RNF130: variants seen among roughly 807,000 people sequenced by gnomAD.
RNF130 encodes the protein ring finger protein 130.
In RNF130, 21 loss-of-function variants were observed where a neutral mutation model predicts 44.6. The observed-to-expected ratio is 0.47, with a 90% CI of 0.33 to 0.68. The LOEUF (loss-of-function observed/expected upper bound fraction) is 0.68. Among genes scored for constraint, RNF130 ranks in the 30% least tolerant of loss-of-function variants. RNF130 has a pLI of 0.02. For synonymous variants in RNF130, 214 were observed against 210.4 expected (o/e 1.02, Z -0.15); for missense variants, 479 against 560.6 (o/e 0.85, Z 1.47).
chr5:179,999,444 G>A (rs193015545), intron 3 of RNF130, among the ~76,000 whole-genome samples: 6 of 152,084 alleles, frequency 3.9e-5, no homozygotes, highest in African/African-American at 9.7e-5. Context: ...TGAGTTGGCC[G>A]GCCATGGTGG....
chr5:179,939,727 A>G (rs1761945533), intron 7 of RNF130: 2 of 456,936 alleles, frequency 4.4e-6, no homozygotes, highest in Non-Finnish European at 8.7e-6. Flanking sequence ...AAAGACGGAA[A>G]TCCACTGAAA....
At chr5:180,049,664 CTGAG>C (rs1764644814) in intron 1 of RNF130, among the ~76,000 whole-genome samples, 1 of 152,160 alleles carries the variant, frequency 6.6e-6, no homozygotes, top group Non-Finnish European at 1.5e-5. Flanking sequence ...TAACACTATT[CTGAG>C]AAGCAGCCCA....
chr5:179,945,915 G>A (rs1372798934), intron 7 of RNF130, among the ~76,000 whole-genome samples: 2 of 38,656 alleles, frequency 5.2e-5, no homozygotes, highest in African/African-American at 1.9e-4. Flanking sequence ...GGAAAAAGGC[G>A]GGGGCAGGGA....
downstream of RNF130, among the ~76,000 whole-genome samples, chr5:179,954,696 T>G (rs1762175859): frequency 6.6e-5 from 10 of 152,204 alleles, no homozygotes; most frequent in South Asian, 2.1e-3. Context: ...TTTAAACGGG[T>G]AATTTTATAG....
intron 3 of RNF130, among the ~76,000 whole-genome samples, chr5:180,002,685 C>G (rs1037646566): frequency 1.4e-4 from 21 of 152,154 alleles, no homozygotes; most frequent in African/African-American, 3.9e-4. Flanking sequence ...TGGTTCCCAG[C>G]TGATCCTGGT....
intron 3 of RNF130, among the ~76,000 whole-genome samples, chr5:179,988,579 G>T (rs191158001): frequency 7.2e-5 from 11 of 151,968 alleles, no homozygotes; most frequent in Non-Finnish European, 1.3e-4. Context: ...GCTGTATCTT[G>T]TAGGTTTTGG....
intron 7 of RNF130, among the ~76,000 whole-genome samples, chr5:179,928,949 G>A (rs1761767853): frequency 6.6e-6 from 1 of 152,140 alleles, no homozygotes; most frequent in African/African-American, 2.4e-5. Context: ...GTATTTTGAT[G>A]AGCAAAATTT....
chr5:180,020,079 A>AGAGGCACTGGT (rs1763837960), intron 2 of RNF130, among the ~76,000 whole-genome samples: 1 of 152,196 alleles, frequency 6.6e-6, no homozygotes, highest in Admixed American at 6.6e-5. Flanking sequence ...GAGAAAGGGA[A>AGAGGCACTGGT]GAGGCACTGG....
chr5:180,047,961 A>T (rs550102596), intron 1 of RNF130, among the ~76,000 whole-genome samples: 41 of 150,130 alleles, frequency 2.7e-4, no homozygotes, highest in African/African-American at 9.8e-4. Flanking sequence ...GCGTGGGCCC[A>T]GGACTCTCCA....
intron 7 of RNF130, among the ~76,000 whole-genome samples, chr5:179,938,783 G>C (rs1761933268): frequency 6.6e-6 from 1 of 152,048 alleles, no homozygotes; most frequent in African/African-American, 2.4e-5. Context: ...TGAAAACCTT[G>C]CAATTATTTC....
chr5:180,053,410 C>T (rs1481272200), intron 1 of RNF130, among the ~76,000 whole-genome samples: 1 of 152,144 alleles, frequency 6.6e-6, no homozygotes, highest in Non-Finnish European at 1.5e-5. Context: ...AACAAATCAT[C>T]TTGATGAGAA....
At chr5:179,931,032 CAAAAA>C (rs34266288) in intron 7 of RNF130, among the ~76,000 whole-genome samples, 1 of 74,298 alleles carries the variant, frequency 1.3e-5, no homozygotes. Flanking sequence ...ACCTCTGTCT[CAAAAA>C]AAAAAAAAAA....
At chr5:179,951,569 G>C (rs1762126834), downstream of RNF130, among the ~76,000 whole-genome samples, 1 of 152,078 alleles carries the variant, frequency 6.6e-6, no homozygotes. Context: ...ATTTTTAGTA[G>C]AGACGGGGTT....
In RNF130 at chr5:179,966,837, C is replaced by T. The variant is rs549159065; in HGVS notation, c.1119G>A (p.Pro373=). The change falls in exon 7 of 9, where the codon CCG becomes CCA. Residue 373 remains proline, a synonymous_variant. Transcript: ENST00000521389. ...CTGCAATGTTGATTTCTCCTGTTCTCGGAGTGAGCTCCCCATCCTGAGGAA... is the reference window on the plus strand; with the variant it reads ...CTGCAATGTTGATTTCTCCTGTTCTTGGAGTGAGCTCCCCATCCTGAGGAA... ...SPLPQDGELT[P]RTGEINIAVT... 16 of 1,613,986 alleles carry T rather than the reference C, an allele frequency of 9.9e-6. No homozygotes were observed. The highest frequency in any genetic ancestry group is 2.7e-5 in the African/African-American group (2 of 74,916).
At chr5:179,998,146 G>C (rs1763246416) in intron 3 of RNF130, among the ~76,000 whole-genome samples, 1 of 152,138 alleles carries the variant, frequency 6.6e-6, no homozygotes, top group Non-Finnish European at 1.5e-5. Flanking sequence ...GCCTGTTTTT[G>C]CTTTTATAGT....
At chr5:180,069,102 C>A (rs915237216) in intron 1 of RNF130, among the ~76,000 whole-genome samples, 4 of 152,190 alleles carry the variant, frequency 2.6e-5, no homozygotes, top group African/African-American at 9.7e-5. Context: ...ATCACCATTT[C>A]TGTTTCTAAA....
chr5:180,055,376 T>C (rs1057263992), intron 1 of RNF130, among the ~76,000 whole-genome samples: 1 of 151,562 alleles, frequency 6.6e-6, no homozygotes, highest in Non-Finnish European at 1.5e-5. Flanking sequence ...GTAAGTTAAG[T>C]TTTACTGGCA....
chr5:179,921,144 G>T (rs1761626802), intron 7 of RNF130, among the ~76,000 whole-genome samples: 1 of 152,160 alleles, frequency 6.6e-6, no homozygotes, highest in African/African-American at 2.4e-5. Context: ...ACAATGAAAA[G>T]CACATGTTTA....
chr5:179,927,586 CTTTTTT>C (rs5873673), intron 7 of RNF130, among the ~76,000 whole-genome samples: 1 of 112,172 alleles, frequency 8.9e-6, no homozygotes. Context: ...TTAGCTTTGT[CTTTTTT>C]TTTTTTTTTT....
Sources: gnomAD v4.1 joint callset for allele counts (sites outside exome capture counted in the v4.1 genomes callset) on GRCh38, gnomAD v4.1.1 for gene constraint, MANE v1.5 for transcripts, NCBI Gene and HGNC (gene_info 2026-07-23, HGNC 2026-07-21) for gene names.